The following SLC3A2 variants were observed in gnomAD, a reference collection of about 807,000 sequenced individuals.
The protein encoded by SLC3A2 is amino acid transporter heavy chain SLC3A2.
Under a neutral mutation model 48.5 loss-of-function variants are expected in SLC3A2, and 32 were observed. The observed-to-expected ratio is 0.66, with a 90% CI of 0.50 to 0.89. The LOEUF is 0.89. SLC3A2 is among the 40% of genes least tolerant of loss of function. The pLI is 0.00. For synonymous variants in SLC3A2, 277 were observed against 288.8 expected (o/e 0.96, Z 0.41); for missense variants, 587 against 680.7 (o/e 0.86, Z 1.53).
At chr11:62,888,063 C>T (rs1158861569) in intron 7 of SLC3A2, 72 bp from the exon 8 acceptor site, 80 of 1,386,874 alleles carry the variant, frequency 5.8e-5, no homozygotes, top group Non-Finnish European at 4.3e-5. Context: ...TCCCAGACTG[C>T]TGGAATTACA....
At chr11:62,883,818 A>C (rs1179814892) in intron 3 of SLC3A2, 1 of 358,216 alleles carries the variant, frequency 2.8e-6, no homozygotes, top group Non-Finnish European at 5.5e-6. Flanking sequence ...AGAGAAAGGG[A>C]AGAAAAGGAG....
chr11:62,880,012 T>C (rs1251384586), upstream of SLC3A2, among the ~76,000 whole-genome samples: 2 of 152,178 alleles, frequency 1.3e-5, no homozygotes, highest in Non-Finnish European at 2.9e-5. Context: ...GGTAAGAGTC[T>C]GGCCATGGCA....
Position 62,881,511 on chromosome 11 carries a change from CT to C in SLC3A2, c.424+65del. The C allele has an allele frequency of 6.7e-7, 1 of 1,491,956 alleles. No individual in the cohort carries two copies. The highest frequency in any genetic ancestry group is 8.9e-7 in the Non-Finnish European group (1 of 1,123,926). The allele number at this position is 1,491,956 out of a possible 1,614,324, so 92.4% of individuals were successfully genotyped here. A position where few individuals can be genotyped will look rare whatever the true frequency, so the allele number is the denominator to read the frequency against. ...GAATCTGGTGGCTTGCACCGACCCCCTCCCCTGTCCCCAGACGGATCTAGAT... is the reference window on the plus strand; with the variant it reads ...GAATCTGGTGGCTTGCACCGACCCCCCCCCTGTCCCCAGACGGATCTAGAT... On this transcript the variant is annotated intron_variant, in intron 1 of 8. Coordinates refer to ENST00000338663, the MANE Select transcript of SLC3A2 (RefSeq NM_001013251.3). The surrounding 1 kb of genome is among the most constrained non-coding windows in gnomAD (Gnocchi z 4.0).
chr11:62,880,918 C>A lies in SLC3A2; in HGVS notation c.-106C>A, dbSNP rs543147749. ...AGCAGATGCAGTAGCCGAAACTGCG[C>A]GGAGGCACAGAGGCCGGGGAGAGCG... On this transcript the variant is annotated 5_prime_UTR_variant, in exon 1 of 9. Transcript: ENST00000338663. 6.8e-7 allele frequency: 1 copy of A among 1,460,304 alleles called. No individual in the cohort carries two copies. The highest frequency in any genetic ancestry group is 1.4e-5 in the African/African-American group (1 of 71,172). The allele number at this position is 1,460,304 out of a possible 1,614,324, so 90.5% of individuals were successfully genotyped here.
intron 1 of SLC3A2, among the ~76,000 whole-genome samples, chr11:62,866,096 C>T (rs1395905043): frequency 1.3e-5 from 2 of 151,658 alleles, no homozygotes; most frequent in Admixed American, 6.6e-5. Flanking sequence ...ATATCTATTC[C>T]AGCATGCCCA....
At chr11:62,878,526 C>T (rs796669739), upstream of SLC3A2, among the ~76,000 whole-genome samples, 2 of 151,066 alleles carry the variant, frequency 1.3e-5, no homozygotes, top group Admixed American at 6.6e-5. Flanking sequence ...AGTGCAGTGG[C>T]GCGATTTTGG....
At chr11:62,884,744 G>A in intron 5 of SLC3A2, 54 bp downstream of exon 5, 1 of 1,450,264 alleles carries the variant, frequency 6.9e-7, no homozygotes, top group Non-Finnish European at 9.3e-7. Flanking sequence ...ACCCCTCAGT[G>A]GAGTGCTAGG....
intron 1 of SLC3A2, among the ~76,000 whole-genome samples, chr11:62,865,999 T>C (rs1169165145): frequency 6.6e-6 from 1 of 152,134 alleles, no homozygotes; most frequent in Non-Finnish European, 1.5e-5. Flanking sequence ...ATGTCACCAG[T>C]ATATTCTTGA....
Position 62,884,541 on chromosome 11 carries a change from A to T in SLC3A2, c.759+16A>T. 1.2e-6 allele frequency: 2 copies of T among 1,614,162 alleles called. No individual in the cohort carries two copies. The highest frequency in any genetic ancestry group is 2.2e-5 in the South Asian group (2 of 91,084). On this transcript the variant is annotated intron_variant, in intron 4 of 8. Transcript: ENST00000338663. Reference sequence around the variant, plus strand: ...GAATCTGAAGGTGAGTTCCCTTTCCACATTAGGGACAAAGCTTGGGCGAGA... The same window carrying T: ...GAATCTGAAGGTGAGTTCCCTTTCCTCATTAGGGACAAAGCTTGGGCGAGA...
intron 2 of SLC3A2, 141 bp downstream of exon 2, chr11:62,882,207 G>A: frequency 1.1e-6 from 1 of 949,360 alleles, no homozygotes; most frequent in Non-Finnish European, 1.6e-6. Flanking sequence ...TTAGTCTTCA[G>A]CCTAAAATGG....
In SLC3A2 at chr11:62,885,219, C is replaced by T. The variant is rs756682904; in HGVS notation, c.861C>T (p.Ile287=). The T allele has an allele frequency of 1.5e-5, 25 of 1,614,074 alleles. No homozygotes were observed. The highest frequency in any genetic ancestry group is 1.8e-5 in the Non-Finnish European group (21 of 1,180,054). ...AGTNSSDLQQ[I]LSLLESNKDL... is the part of the protein sequence containing the mutation. The stretch of plus-strand genomic sequence containing the variant: ...CTAACTCCTCCGACCTTCAGCAGAT[C>T]CTGAGCCTACTCGAATCCAACAAAG... The change falls in exon 6 of 9, where the codon ATC becomes ATT. Residue 287 remains isoleucine, a synonymous_variant. Coordinates refer to ENST00000338663, the MANE Select transcript of SLC3A2 (RefSeq NM_001013251.3).
chr11:62,856,967 G>A (rs2085335346), intron 1 of SLC3A2, among the ~76,000 whole-genome samples: 1 of 151,838 alleles, frequency 6.6e-6, no homozygotes, highest in South Asian at 2.1e-4. Context: ...GGGATTACAG[G>A]CATGCGCCAC....
chr11:62,860,601 TC>T (rs1408252818), intron 1 of SLC3A2, among the ~76,000 whole-genome samples: 1 of 152,144 alleles, frequency 6.6e-6, no homozygotes, highest in African/African-American at 2.4e-5. Context: ...ACAGATGCCT[TC>T]CTCTTATCTC....
chr11:62,872,643 G>A lies in SLC3A2; in HGVS notation c.113-8376G>A, dbSNP rs752530635. 3.3e-5 allele frequency among the ~76,000 whole-genome samples: 5 copies of A among 152,022 alleles called. No individual in the cohort carries two copies. In the South Asian group the frequency reaches 1.0e-3, roughly 32 times the overall value. ...TTGAGACGGAGTTTCACTCTTCTTGGCCAGGCTAGAGTGCAATGGCTCGAT... is the reference window on the plus strand; with the variant it reads ...TTGAGACGGAGTTTCACTCTTCTTGACCAGGCTAGAGTGCAATGGCTCGAT... On this transcript the variant is annotated intron_variant, in intron 1 of 9. Transcript: ENST00000377889.
chr11:62,870,846 AATAATAATAATTATTATT>A (rs766761422), intron 1 of SLC3A2: 4 of 141,646 alleles, frequency 2.8e-5, no homozygotes, highest in African/African-American at 1.3e-4. Context: ...AGGTAATAAT[AATAATAATAATTATTATT>A]ATTATTATTA....
At position 62,881,606 on chromosome 11, in the gene SLC3A2, T is replaced by G; in HGVS notation, c.424+159T>G. 9.6e-7 allele frequency: 1 copy of G among 1,039,156 alleles called. No homozygotes were observed. The highest frequency in any genetic ancestry group is 1.3e-6 in the Non-Finnish European group (1 of 749,568). The allele number at this position is 1,039,156 out of a possible 1,614,324, so 64.4% of individuals were successfully genotyped here. On this transcript the variant is annotated intron_variant, in intron 1 of 8. Coordinates refer to ENST00000338663, the MANE Select transcript of SLC3A2 (RefSeq NM_001013251.3). This position sits in a 1 kb window ranked among gnomAD's most constrained non-coding sequence, Gnocchi z 4.0. ...CCACCCCCTCCCCGGCACATTGTCC[T>G]TCCCTCCTTTCTTTGAAGAAAGCCG...
chr11:62,882,488 C>CTTT (rs369854613), intron 2 of SLC3A2: 81 of 184,430 alleles, frequency 4.4e-4, no homozygotes, highest in Middle Eastern at 2.4e-3. Flanking sequence ...CTTCCAATAT[C>CTTT]TTTTTTTTTT....
At chr11:62,858,783 G>C (rs1238596777) in intron 1 of SLC3A2, among the ~76,000 whole-genome samples, 1 of 152,090 alleles carries the variant, frequency 6.6e-6, no homozygotes, top group Non-Finnish European at 1.5e-5. Context: ...CGTGAACAAA[G>C]GTCTTTGCAT....
At position 62,885,602 on chromosome 11, in the gene SLC3A2, T is replaced by G; in HGVS notation, c.1137T>G (p.Pro379=). ...TTGGCCTGGATGCAGCTGCCCTTCC[T>G]GGACAGGTACTGCTTGCTGTCTTTC... ...DEIGLDAAAL[P]GQPMEAPVML... is the part of the protein sequence containing the mutation. Residue 379 remains proline (P), a synonymous_variant, in exon 7 of 9, where the codon CCT becomes CCG. Coordinates refer to ENST00000338663, the MANE Select transcript of SLC3A2 (RefSeq NM_001013251.3). 1 of 1,614,136 alleles carries G rather than the reference T, an allele frequency of 6.2e-7. No homozygotes were observed. Among genetic ancestry groups the G allele is most frequent in the African/African-American group, 1.3e-5 (1 of 75,054 alleles).
Sources: allele counts gnomAD v4.1 joint callset (sites outside exome capture counted in the v4.1 genomes callset), GRCh38; gene constraint gnomAD v4.1.1; non-coding constraint Gnocchi (gnomAD v3.1); transcripts MANE v1.5; gene names NCBI Gene and HGNC (gene_info 2026-07-23, HGNC 2026-07-21).